FBN3: variants seen among roughly 807,000 people sequenced by gnomAD.
FBN3 encodes the protein fibrillin-3.
In FBN3, 234 loss-of-function variants were observed where a neutral mutation model predicts 330.1. That is an observed-to-expected ratio of 0.71 (90% confidence interval 0.64 to 0.79). The LOEUF is 0.79. Ranked by LOEUF, FBN3 falls within the 30% of genes least tolerant of loss-of-function variation. The pLI is 0.00. For synonymous variants in FBN3, 1,458 were observed against 1,517.3 expected (o/e 0.96, Z 0.91); for missense variants, 3,606 against 3,886.9 (o/e 0.93, Z 1.92).
At chr19:8,145,731 C>A in intron 5 of FBN3, 112 bp downstream of exon 5, 3 of 652,984 alleles carry the variant, frequency 4.6e-6, no homozygotes, top group Non-Finnish European at 5.2e-6. Context: ...CCCCTGCAAT[C>A]TCCAGTCCAG....
At chr19:8,146,392 C>A (rs984239561) in intron 3 of FBN3, among the ~76,000 whole-genome samples, 167 bp from the exon 4 acceptor site, 4 of 152,222 alleles carry the variant, frequency 2.6e-5, no homozygotes, top group South Asian at 2.1e-4. Context: ...GATGTCCCCC[C>A]ACTCTCGGGC....
Position 8,072,113 on chromosome 19 carries a change from C to T in FBN3, c.8023G>A (p.Glu2675Lys), listed in dbSNP as rs771221042. 73 of 1,611,936 alleles carry T rather than the reference C, an allele frequency of 4.5e-5. No individual in the cohort carries two copies. The highest frequency in any genetic ancestry group is 4.0e-4 in the Admixed American group (24 of 59,812). ...GGGGAGAGGCCATTGATCTTGCATT[C>T]GTAGCAGGCTTCAGACGAGAGCAGC... The part of the protein sequence containing the change: ...EELLSSEACY[E>K]CKINGLSPRD... Residue 2675 changes from glutamate (E) to lysine (K), a missense_variant, in exon 63 of 64, where the codon GAA (glutamate) becomes AAA (lysine). Glu to Lys is a moderately conservative substitution (Grantham distance 56, BLOSUM62 1). Coordinates refer to ENST00000600128, the MANE Select transcript of FBN3 (RefSeq NM_032447.5).
chr19:8,088,230 C>T, intron 51 of FBN3, 51 bp from the exon 52 acceptor site: 1 of 1,535,462 alleles, frequency 6.5e-7, no homozygotes, highest in Non-Finnish European at 8.8e-7. Flanking sequence ...CCCCCATCCT[C>T]AGTAGCATCC....
In FBN3 at chr19:8,103,811, T is replaced by C. The variant is rs914860370; in HGVS notation, c.4814-124A>G. On this transcript the variant is annotated intron_variant, in intron 38 of 63. Coordinates refer to ENST00000600128, the MANE Select transcript of FBN3 (RefSeq NM_032447.5). ...ACCTAAGTTTGGTTTCAAAATCAGTTTAAAACGCACACACATCTTAGTGAT... is the reference window on the plus strand; with the variant it reads ...ACCTAAGTTTGGTTTCAAAATCAGTCTAAAACGCACACACATCTTAGTGAT... 42 of 861,194 alleles carry C rather than the reference T, an allele frequency of 4.9e-5. 1 individual carries two copies. Among genetic ancestry groups the C allele is most frequent in the Admixed American group, 5.4e-5 (2 of 37,304 alleles). 53.3% of individuals were successfully genotyped at this position (861,194 alleles called of 1,614,324 possible).
intron 50 of FBN3, 51 bp downstream of exon 50, chr19:8,089,843 T>C (rs754999931): frequency 2.3e-5 from 35 of 1,546,204 alleles, no homozygotes; most frequent in Non-Finnish European, 3.0e-5. Flanking sequence ...AGTGCGGAGA[T>C]GGATCTGGGT....
chr19:8,146,045 AC>A lies in FBN3; in HGVS notation c.349+81del, dbSNP rs1418762144. On this transcript the variant is annotated intron_variant, in intron 4 of 63. Coordinates refer to ENST00000600128, the MANE Select transcript of FBN3 (RefSeq NM_032447.5). ...TGCTCAGCCCCGCTCCTGTCCTTCA[AC>A]AAAAGCAGCCCAGGCTCCTCGTGGC... 15 of 1,507,810 alleles carry A rather than the reference AC, an allele frequency of 9.9e-6. No homozygotes were observed. In the East Asian group the frequency reaches 3.0e-4, roughly 30 times the overall value. The allele number at this position is 1,507,810 out of a possible 1,614,324, so 93.4% of individuals were successfully genotyped here.
intron 59 of FBN3, among the ~76,000 whole-genome samples, chr19:8,079,386 C>A (rs1003107619): frequency 2.6e-5 from 4 of 151,644 alleles, no homozygotes; most frequent in Non-Finnish European, 5.9e-5. Flanking sequence ...TGCTGTATTC[C>A]AGCCTGGGTG....
chr19:8,085,688 G>T, intron 55 of FBN3, 119 bp from the exon 56 acceptor site: 2 of 733,656 alleles, frequency 2.7e-6, no homozygotes, highest in Non-Finnish European at 2.2e-6. Context: ...GTGTCCAGGA[G>T]GGAGTTGGAT....
At chr19:8,089,716 T>G (rs1262376073) in intron 50 of FBN3, 46 bp from the exon 51 acceptor site, 1 of 1,608,264 alleles carries the variant, frequency 6.2e-7, no homozygotes, top group Non-Finnish European at 8.5e-7. Context: ...CACCACACAA[T>G]CGCCAGAGCC....
At position 8,087,182 on chromosome 19, in the gene FBN3, CCTG is replaced by C. The variant is rs756291541; in HGVS notation, c.6646_6648del (p.Gln2216del). 6.2e-7 allele frequency: 1 copy of C among 1,604,708 alleles called. No individual in the cohort carries two copies. Among genetic ancestry groups the C allele is most frequent in the South Asian group, 1.1e-5 (1 of 90,422 alleles). On this transcript the variant is annotated inframe_deletion, in exon 54 of 64. Transcript: ENST00000600128. ...CACTCCATGCCCCGGGCGTGGCAGT[CCTG>C]CTGACCATCTGCACACTCGTCCACA...
At chr19:8,141,173 C>T (rs1437991229) in intron 8 of FBN3, among the ~76,000 whole-genome samples, 10 of 116,768 alleles carry the variant, frequency 8.6e-5, no homozygotes, top group African/African-American at 2.4e-4. Context: ...CCAGCCTGGG[C>T]GACAGAGCGA....
intron 51 of FBN3, among the ~76,000 whole-genome samples, chr19:8,089,137 GTGA>G (rs2082035391): frequency 6.6e-6 from 1 of 151,896 alleles, no homozygotes; most frequent in Non-Finnish European, 1.5e-5. Flanking sequence ...GAGGGAGTTA[GTGA>G]ATTAATAAGT....
rs1380140083 is a variant in FBN3, at chr19:8,147,496, G to A, written c.-16C>T. ...CCAGAGTCATGGCGTGTCCCCTGGA[G>A]GCTGCGGAGAGGAAGCAGAGTCAGC... On this transcript the variant is annotated splice_region_variant and 5_prime_UTR_variant, in exon 2 of 64. Coordinates refer to ENST00000600128, the MANE Select transcript of FBN3 (RefSeq NM_032447.5). The A allele has an allele frequency of 1.4e-6, 2 of 1,451,860 alleles. No individual in the cohort carries two copies. Among genetic ancestry groups the A allele is most frequent in the African/African-American group, 2.9e-5 (2 of 70,168 alleles). The allele number at this position is 1,451,860 out of a possible 1,614,324, so 89.9% of individuals were successfully genotyped here.
At chr19:8,110,107 G>T (rs765906653) in intron 34 of FBN3, among the ~76,000 whole-genome samples, 39 of 152,218 alleles carry the variant, frequency 2.6e-4, no homozygotes, top group Non-Finnish European at 4.8e-4. Flanking sequence ...CCAGGCTGGA[G>T]TGCAGTTGCA....
chr19:8,092,630 G>A (rs1258774726), intron 47 of FBN3, among the ~76,000 whole-genome samples: 3 of 141,150 alleles, frequency 2.1e-5, no homozygotes, highest in Non-Finnish European at 3.0e-5. Flanking sequence ...CAGGAGAATC[G>A]CTTGAACCCG....
chr19:8,077,358 G>T (rs1281308518), intron 59 of FBN3, among the ~76,000 whole-genome samples: 1 of 152,190 alleles, frequency 6.6e-6, no homozygotes, highest in African/African-American at 2.4e-5. Context: ...CTCTCTTGGG[G>T]TCGGGCACAG....
At chr19:8,086,464 T>C (rs74180117) in intron 54 of FBN3, 139 bp from the exon 55 acceptor site, 32,965 of 294,714 alleles carry the variant, frequency 0.11, 2,257 homozygotes, top group East Asian at 0.17. Context: ...TTATTATTAT[T>C]ATTATTTTTT....
At chr19:8,138,365 C>G in intron 9 of FBN3, 42 bp from the exon 10 acceptor site, 2 of 1,610,396 alleles carry the variant, frequency 1.2e-6, no homozygotes, top group Non-Finnish European at 1.7e-6. Context: ...TGGCCCTCCC[C>G]TGTCCCCTCC....
intron 53 of FBN3, 64 bp downstream of exon 53, chr19:8,087,761 A>G: frequency 6.9e-7 from 1 of 1,453,222 alleles, no homozygotes; most frequent in Non-Finnish European, 9.6e-7. Context: ...GGCGTGTGCC[A>G]CCATGCCCAG....
Sources: gnomAD v4.1 joint callset for allele counts (sites outside exome capture counted in the v4.1 genomes callset) on GRCh38, gnomAD v4.1.1 for gene constraint, MANE v1.5 for transcripts, NCBI Gene and HGNC (gene_info 2026-07-23, HGNC 2026-07-21) for gene names.